Variants in INTS6 observed in about 807,000 individuals in gnomAD.
INTS6 encodes DEAD box protein.
In INTS6, 16 loss-of-function variants were observed where a neutral mutation model predicts 104.9. The ratio of observed to expected loss-of-function variants is 0.15; its 90% CI spans 0.10 to 0.23. The LOEUF (loss-of-function observed/expected upper bound fraction) is 0.23, where lower values mean the gene tolerates loss of function less well. INTS6 is among the 10% of genes least tolerant of loss of function. The pLI, the probability that INTS6 is intolerant of heterozygous loss-of-function variation, is 1.00. For missense variants in INTS6, 584 were observed against 1,062.8 expected (o/e 0.55, Z 6.26); for synonymous variants, 324 against 358.7 (o/e 0.90, Z 1.09).
At chr13:51,361,445 T>C, downstream of INTS6, 1 of 884,502 alleles carries the variant, frequency 1.1e-6, no homozygotes. Flanking sequence ...TTCACACTTC[T>C]GAATCTTTCC....
chr13:51,373,385 C>T (rs1955853435), intron 15 of INTS6, among the ~76,000 whole-genome samples: 1 of 152,076 alleles, frequency 6.6e-6, no homozygotes, highest in African/African-American at 2.4e-5. Context: ...GATAATAGTC[C>T]ACACACATTA....
At position 51,362,730 on chromosome 13, in the gene INTS6, T is replaced by C. The variant is rs1441624436; in HGVS notation, c.*3022A>G. On this transcript the variant is annotated 3_prime_UTR_variant, in exon 18 of 18. Coordinates refer to ENST00000311234, the MANE Select transcript of INTS6 (RefSeq NM_012141.3). ...ATGTCAAAAGTTAGAATGAAAATTA[T>C]GCATAGTTTTACATAAATTGTTAAG... The C allele has an allele frequency of 6.6e-6, 1 of 152,456 alleles. No individual in the cohort carries two copies. The highest frequency in any genetic ancestry group is 1.5e-5 in the Non-Finnish European group (1 of 67,936). 9.4% of individuals were successfully genotyped at this position (152,456 alleles called of 1,614,324 possible). A position where few individuals can be genotyped will look rare whatever the true frequency, so the allele number is the denominator to read the frequency against.
chr13:51,419,428 T>C (rs184342500), intron 4 of INTS6, among the ~76,000 whole-genome samples: 25 of 152,330 alleles, frequency 1.6e-4, no homozygotes, highest in Non-Finnish European at 2.4e-4. Context: ...GCTGTTTTTC[T>C]TGAACACTTT....
At position 51,374,655 on chromosome 13, in the gene INTS6, T is replaced by C. The variant is rs1182105752; in HGVS notation, c.1871A>G (p.Lys624Arg). ...CATAATAGAACATTTCAAAATTACCTTCTTATCCAGCTTAAAGGGGTTGCC... is the reference window on the plus strand; with the variant it reads ...CATAATAGAACATTTCAAAATTACCCTCTTATCCAGCTTAAAGGGGTTGCC... The part of the protein sequence containing the change: ...TFGNPFKLDK[K>R]GMMIDEADEF... Residue 624 changes from lysine (K) to arginine (R), a missense_variant and splice_region_variant, in exon 14 of 18, where the codon AAG (lysine) becomes AGG (arginine). Around this residue, in one of 5 missense-constraint regions of INTS6, gnomAD observed 296 missense variants for 437.0 expected, o/e 0.68. Transcript: ENST00000311234. 1.9e-6 allele frequency: 3 copies of C among 1,612,632 alleles called. No individual in the cohort carries two copies. The highest frequency in any genetic ancestry group is 2.5e-6 in the Non-Finnish European group (3 of 1,179,830).
At chr13:51,346,033 C>T in the INTS6 span, among the ~76,000 whole-genome samples, 1 of 152,198 alleles carries the variant, frequency 6.6e-6, no homozygotes, top group Admixed American at 6.5e-5. Flanking sequence ...CCTTGCCCAA[C>T]TTCTCTGAGC....
rs1314406502 is a variant in INTS6, at chr13:51,367,677, T to C, written c.2570+128A>G. 7.7e-6 allele frequency: 4 copies of C among 521,980 alleles called. 1 individual carries two copies. Among genetic ancestry groups the C allele is most frequent in the Non-Finnish European group, 1.4e-5 (4 of 295,558 alleles). The allele number at this position is 521,980 out of a possible 1,614,324, so 32.3% of individuals were successfully genotyped here. A position where few individuals can be genotyped will look rare whatever the true frequency, so the allele number is the denominator to read the frequency against. Reference sequence around the variant, plus strand: ...TAAACTAAAAAAGAATAAGAATTTATTTATATGTTGGTATGCCATATACAT... The same window carrying C: ...TAAACTAAAAAAGAATAAGAATTTACTTATATGTTGGTATGCCATATACAT... On this transcript the variant is annotated intron_variant, in intron 17 of 17. Transcript: ENST00000311234.
Position 51,368,921 on chromosome 13 carries a change from G to A in INTS6, c.2476+18C>T, listed in dbSNP as rs45535533. Reference sequence around the variant, plus strand: ...CATACAGAAATCAGATCTGAGGTTCGTCTCTTATTATACATACTTCTTCCT... The same window carrying A: ...CATACAGAAATCAGATCTGAGGTTCATCTCTTATTATACATACTTCTTCCT... On this transcript the variant is annotated intron_variant, in intron 16 of 17. Transcript: ENST00000311234. 0.023 allele frequency: 35,451 copies of A among 1,530,812 alleles called. 513 individuals carry two copies. Among genetic ancestry groups the A allele is most frequent in the Non-Finnish European group, 0.027 (31,122 of 1,140,458 alleles). 94.8% of individuals were successfully genotyped at this position (1,530,812 alleles called of 1,614,324 possible). A position where few individuals can be genotyped will look rare whatever the true frequency, so the allele number is the denominator to read the frequency against.
At position 51,363,029 on chromosome 13, in the gene INTS6, A is replaced by G. The variant is rs1955612740; in HGVS notation, c.*2723T>C. On this transcript the variant is annotated 3_prime_UTR_variant, in exon 18 of 18. Transcript: ENST00000311234. The stretch of plus-strand genomic sequence containing the variant: ...GCCTTCTCTTAGAAAGGACACGTCA[A>G]AAAAATGAAAGATGAGAAAAAGGAC... 6.6e-6 allele frequency: 1 copy of G among 151,984 alleles called. No individual in the cohort carries two copies. Among genetic ancestry groups the G allele is most frequent in the Non-Finnish European group, 1.5e-5 (1 of 67,908 alleles). The allele number at this position is 151,984 out of a possible 1,614,324, so 9.4% of individuals were successfully genotyped here.
At chr13:51,347,355 C>A in the INTS6 span, 7 of 819,918 alleles carry the variant, frequency 8.5e-6, no homozygotes, top group Non-Finnish European at 1.4e-5. Context: ...GGTCCATCTG[C>A]TGGACTGGGC....
At chr13:51,397,106 C>A (rs9568585) in intron 4 of INTS6, among the ~76,000 whole-genome samples, 3,667 of 152,090 alleles carry the variant, frequency 0.024, 58 homozygotes, top group South Asian at 0.059. Context: ...ATTTTTTATA[C>A]TAATTTCTTC....
intron 15 of INTS6, among the ~76,000 whole-genome samples, chr13:51,372,473 T>C (rs1479861514): frequency 1.3e-5 from 2 of 152,162 alleles, no homozygotes; most frequent in African/African-American, 4.8e-5. Context: ...CAAGGTTCTG[T>C]TCTGAGCGTT....
At chr13:51,338,069 C>T in the INTS6 span, among the ~76,000 whole-genome samples, 1 of 152,142 alleles carries the variant, frequency 6.6e-6, no homozygotes, top group Non-Finnish European at 1.5e-5. Context: ...CCGAAGGATG[C>T]TTCTTAAAAG....
chr13:51,374,982 TCTC>T (rs1393123416), intron 13 of INTS6, among the ~76,000 whole-genome samples, 186 bp from the exon 14 acceptor site: 1 of 152,060 alleles, frequency 6.6e-6, no homozygotes, highest in African/African-American at 2.4e-5. Flanking sequence ...AAAATACTGA[TCTC>T]ATCATCTAAA....
chr13:51,383,092 A>AC (rs150302250), intron 9 of INTS6, among the ~76,000 whole-genome samples: 16,179 of 97,094 alleles, frequency 0.17, 811 homozygotes, highest in South Asian at 0.29. Context: ...TCCCTCCCCC[A>AC]CCCCCCCGCA....
chr13:51,381,762 G>A (rs915136330), intron 10 of INTS6, among the ~76,000 whole-genome samples: 8 of 151,340 alleles, frequency 5.3e-5, no homozygotes, highest in Non-Finnish European at 1.0e-4. Flanking sequence ...GAGTGCAGTG[G>A]CACAATCTTG....
At chr13:51,430,249 G>A in intron 4 of INTS6, 45 bp downstream of exon 4, 1 of 1,487,362 alleles carries the variant, frequency 6.7e-7, no homozygotes, top group Non-Finnish European at 9.4e-7. Flanking sequence ...ATAAAGGATT[G>A]TTCAACTGCA....
downstream of INTS6, among the ~76,000 whole-genome samples, chr13:51,351,575 T>C (rs540089827): frequency 1.3e-5 from 2 of 152,176 alleles, no homozygotes; most frequent in East Asian, 1.9e-4. Flanking sequence ...TTTGTCATTC[T>C]GTGGTTTTTC....
intron 13 of INTS6, among the ~76,000 whole-genome samples, chr13:51,375,105 C>T (rs994311793): frequency 6.6e-6 from 1 of 151,976 alleles, no homozygotes; most frequent in Non-Finnish European, 1.5e-5. Flanking sequence ...AATCCCAGCA[C>T]TTCGGGAGGC....
intron 4 of INTS6, chr13:51,421,167 G>A: frequency 4.1e-6 from 4 of 985,780 alleles, no homozygotes; most frequent in Non-Finnish European, 4.8e-6. Flanking sequence ...TTTTGAGGAA[G>A]GCTAGCCATT....
Sources: allele counts gnomAD v4.1 joint callset (sites outside exome capture counted in the v4.1 genomes callset), GRCh38; gene constraint gnomAD v4.1.1; regional missense constraint gnomAD v4.1.1; transcripts MANE v1.5; gene names NCBI Gene and HGNC (gene_info 2026-07-23, HGNC 2026-07-21).